SEMA5A: variants seen among roughly 807,000 people sequenced by gnomAD.
SEMA5A encodes the protein semaphorin-5A.
A neutral mutation model predicts 135.5 loss-of-function variants in SEMA5A; 55 were observed. That is an observed-to-expected ratio of 0.41 (90% confidence interval 0.33 to 0.51). SEMA5A has a LOEUF of 0.51. Ranked by LOEUF, SEMA5A falls within the 20% of genes least tolerant of loss-of-function variation. The probability of loss-of-function intolerance (pLI) is 0.37; values close to 1 mark genes in which losing one functional copy is unlikely to be tolerated. For synonymous variants in SEMA5A, 580 were observed against 546.5 expected, an observed-to-expected ratio of 1.06 and a Z score of -0.85; for missense variants, 1,290 against 1,419.9, an observed-to-expected ratio of 0.91 and a Z score of 1.47.
At position 9,202,225 on chromosome 5, in the gene SEMA5A, G is replaced by A; in HGVS notation, c.662C>T (p.Ser221Leu). ...SKWLNEPNFV[S>L]SYDIGNFTYF... ...GGTAAAATTTCCGATGTCATAAGATGACACAAAGTTTGGCTCTGGAAACAA... is the reference window on the plus strand; with the variant it reads ...GGTAAAATTTCCGATGTCATAAGATAACACAAAGTTTGGCTCTGGAAACAA... The change falls in exon 9 of 23, where the codon TCA becomes TTA. Residue 221 changes from serine to leucine, a missense_variant. By Grantham distance (145) the Ser-to-Leu change is moderately radical. This residue lies in a region of SEMA5A where 145 missense variants were observed against 212.0 expected (regional missense o/e 0.68). Transcript: ENST00000382496. The A allele has an allele frequency of 6.2e-7, 1 of 1,613,004 alleles. No homozygotes were observed. The highest frequency in any genetic ancestry group is 8.5e-7 in the Non-Finnish European group (1 of 1,179,234).
At chr5:9,088,478 T>C (rs542655271) in intron 16 of SEMA5A, among the ~76,000 whole-genome samples, 1 of 150,780 alleles carries the variant, frequency 6.6e-6, no homozygotes, top group South Asian at 2.1e-4. Context: ...AGAATGTTCC[T>C]CAATATTAGA....
intron 11 of SEMA5A, among the ~76,000 whole-genome samples, chr5:9,173,010 GT>G (rs1744010134): frequency 3.3e-5 from 5 of 152,156 alleles, no homozygotes. Flanking sequence ...CTGGTGATAA[GT>G]GTTCTCTTGG....
chr5:9,131,775 C>T (rs1741448622), intron 13 of SEMA5A, among the ~76,000 whole-genome samples: 1 of 151,766 alleles, frequency 6.6e-6, no homozygotes, highest in Admixed American at 6.6e-5. Flanking sequence ...CCAACTCCAA[C>T]ACTGGGGATC....
At position 9,221,354 on chromosome 5, in the gene SEMA5A, G is replaced by C. The variant is rs535576472; in HGVS notation, c.646+3320C>G. Reference sequence around the variant, plus strand: ...GTCTCGCTGTGTCACCCAGGCTGGAGTGCAGTGGCGCGATCTCGGCTTACT... The same window carrying C: ...GTCTCGCTGTGTCACCCAGGCTGGACTGCAGTGGCGCGATCTCGGCTTACT... On this transcript the variant is annotated intron_variant, in intron 8 of 22. Transcript: ENST00000382496. 8.6e-4 allele frequency among the ~76,000 whole-genome samples: 120 copies of C among 139,758 alleles called. 1 individual carries two copies. In the Middle Eastern group the frequency reaches 0.012, roughly 14 times the overall value. 91.7% of individuals were successfully genotyped at this position (139,758 alleles called of 152,430 possible). A position where few individuals can be genotyped will look rare whatever the true frequency, so the allele number is the denominator to read the frequency against.
chr5:9,188,805 C>T (rs13362456), intron 11 of SEMA5A, among the ~76,000 whole-genome samples: 17,913 of 130,036 alleles, frequency 0.14, 1,819 homozygotes, highest in East Asian at 0.37. Flanking sequence ...CAAAAATCAA[C>T]AAAATCCTTT....
At chr5:9,389,097 T>G (rs952169760) in intron 2 of SEMA5A, among the ~76,000 whole-genome samples, 4 of 152,144 alleles carry the variant, frequency 2.6e-5, no homozygotes, top group African/African-American at 9.7e-5. Context: ...GAAGCTTATG[T>G]AACTAGATAT....
At chr5:9,269,187 A>G (rs973166577) in intron 5 of SEMA5A, among the ~76,000 whole-genome samples, 2 of 152,162 alleles carry the variant, frequency 1.3e-5, no homozygotes, top group East Asian at 3.9e-4. Flanking sequence ...ATCCTCACCT[A>G]CAACAAATTA....
intron 5 of SEMA5A, among the ~76,000 whole-genome samples, chr5:9,292,099 C>A (rs1019397790): frequency 2.0e-5 from 3 of 151,506 alleles, no homozygotes; most frequent in Non-Finnish European, 4.4e-5. Flanking sequence ...GAAGCAGAAG[C>A]AACAGTGGCG....
chr5:9,504,486 C>G (rs531431239), intron 1 of SEMA5A, among the ~76,000 whole-genome samples: 24 of 152,256 alleles, frequency 1.6e-4, no homozygotes, highest in African/African-American at 5.8e-4. Flanking sequence ...AACGTGGATT[C>G]ACATCAGGAG....
chr5:9,536,205 G>A (rs1356876616), intron 1 of SEMA5A, among the ~76,000 whole-genome samples: 7 of 152,080 alleles, frequency 4.6e-5, no homozygotes. Context: ...AAATTATTTT[G>A]GTTTAGCAGA....
chr5:9,117,302 T>C (rs975410664), intron 15 of SEMA5A, among the ~76,000 whole-genome samples: 2 of 152,162 alleles, frequency 1.3e-5, no homozygotes, highest in Non-Finnish European at 2.9e-5. Context: ...CATGCTAAGT[T>C]TGTGGTGGTG....
intron 4 of SEMA5A, among the ~76,000 whole-genome samples, chr5:9,329,452 ACTAGAAAGTC>A (rs1425566099): frequency 1.3e-5 from 2 of 152,234 alleles, no homozygotes; most frequent in African/African-American, 2.4e-5. Flanking sequence ...CTTGCGCTGG[ACTAGAAAGTC>A]CTCATCAGGT....
intron 6 of SEMA5A, among the ~76,000 whole-genome samples, chr5:9,236,927 G>A (rs1305888541): frequency 6.6e-6 from 1 of 152,090 alleles, no homozygotes; most frequent in Non-Finnish European, 1.5e-5. Flanking sequence ...TAAAAAAAAG[G>A]TACATAACAC....
intron 3 of SEMA5A, among the ~76,000 whole-genome samples, chr5:9,361,313 A>AAC (rs1554024940): frequency 4.4e-4 from 66 of 150,976 alleles, no homozygotes; most frequent in African/African-American, 1.1e-3. Flanking sequence ...AAAAAAAAAA[A>AAC]ATTGCAAACA....
chr5:9,181,686 G>A (rs1166838960), intron 11 of SEMA5A, among the ~76,000 whole-genome samples: 6 of 152,122 alleles, frequency 3.9e-5, no homozygotes, highest in African/African-American at 7.2e-5. Flanking sequence ...ATAGAAACAC[G>A]TTCCTCTGAG....
chr5:9,202,324 G>T, intron 8 of SEMA5A, 84 bp from the exon 9 acceptor site: 3 of 1,453,396 alleles, frequency 2.1e-6, no homozygotes, highest in Non-Finnish European at 2.8e-6. Flanking sequence ...TTCATCCAAA[G>T]AGACGTGGTT....
chr5:9,519,376 C>T (rs554078630), intron 1 of SEMA5A, among the ~76,000 whole-genome samples: 1 of 152,300 alleles, frequency 6.6e-6, no homozygotes, highest in South Asian at 2.1e-4. Context: ...CTTCAGATGG[C>T]ATCAACAGCG....
chr5:9,238,238 G>C lies in SEMA5A; in HGVS notation c.271-348C>G, dbSNP rs375711210. Among the ~76,000 whole-genome samples, 5 of 152,132 alleles carry C rather than the reference G, an allele frequency of 3.3e-5. No homozygotes were observed. In the East Asian group the frequency reaches 9.7e-4, roughly 29 times the overall value. ...GAAACTATGGAATAGACCCAGACGA[G>C]GCTTAAGGGAGAGGCCTTGAGACAA... On this transcript the variant is annotated intron_variant, in intron 5 of 22. Coordinates refer to ENST00000382496, the MANE Select transcript of SEMA5A (RefSeq NM_003966.3).
intron 2 of SEMA5A, among the ~76,000 whole-genome samples, chr5:9,395,776 AAAGTG>A (rs1280465082): frequency 1.3e-5 from 2 of 152,196 alleles, no homozygotes; most frequent in Admixed American, 1.3e-4. Context: ...TGAGTAGATG[AAAGTG>A]ATGTGCCTTC....
Sources: allele counts gnomAD v4.1 joint callset (sites outside exome capture counted in the v4.1 genomes callset), GRCh38; gene constraint gnomAD v4.1.1; regional missense constraint gnomAD v4.1.1; transcripts MANE v1.5; gene names NCBI Gene and HGNC (gene_info 2026-07-23, HGNC 2026-07-21).